The following ZNF804B variants were observed in gnomAD, a reference collection of about 807,000 sequenced individuals.
The protein encoded by ZNF804B is zinc finger 804B.
A neutral mutation model predicts 101.4 loss-of-function variants in ZNF804B; 80 were observed. That is an observed-to-expected ratio of 0.79 (90% CI 0.66 to 0.95). The LOEUF (loss-of-function observed/expected upper bound fraction) is 0.95. Among genes scored for constraint, ZNF804B ranks in the 40% least tolerant of loss-of-function variants. ZNF804B has a pLI of 0.00. For synonymous variants in ZNF804B, 622 were observed against 558.8 expected, an observed-to-expected ratio of 1.11 and a Z score of -1.59; for missense variants, 1,673 against 1,561.9, an observed-to-expected ratio of 1.07 and a Z score of -1.20.
intron 1 of ZNF804B, among the ~76,000 whole-genome samples, chr7:89,061,437 T>C (rs547521360): frequency 2.8e-4 from 42 of 151,980 alleles, no homozygotes; most frequent in African/African-American, 9.4e-4. Context: ...AACGACACAC[T>C]AGAAAGTGTG....
intron 1 of ZNF804B, among the ~76,000 whole-genome samples, chr7:88,946,900 A>C (rs892646747): frequency 1.3e-5 from 2 of 151,992 alleles, no homozygotes; most frequent in Non-Finnish European, 2.9e-5. Context: ...GTGGCCAATA[A>C]ACATACGAAA....
chr7:89,319,298 G>A (rs1443953868), intron 2 of ZNF804B, among the ~76,000 whole-genome samples: 2 of 152,114 alleles, frequency 1.3e-5, no homozygotes, highest in African/African-American at 4.8e-5. Flanking sequence ...AAAAAATTAA[G>A]GGAATTTTGG....
intron 1 of ZNF804B, among the ~76,000 whole-genome samples, chr7:88,943,540 C>T (rs1330611369): frequency 2.0e-5 from 3 of 151,842 alleles, no homozygotes; most frequent in Non-Finnish European, 4.4e-5. Flanking sequence ...CTGGAGTCTT[C>T]ACTTTTGTAG....
chr7:89,283,090 C>A (rs914739383), intron 2 of ZNF804B, among the ~76,000 whole-genome samples: 7 of 152,170 alleles, frequency 4.6e-5, no homozygotes, highest in Non-Finnish European at 1.0e-4. Context: ...ATAATGAATT[C>A]ATACTCTGAA....
At chr7:88,935,873 C>A (rs1792960881) in intron 1 of ZNF804B, among the ~76,000 whole-genome samples, 1 of 151,794 alleles carries the variant, frequency 6.6e-6, no homozygotes, top group Non-Finnish European at 1.5e-5. Context: ...TTCTCTGCTT[C>A]TTTTCTTGTT....
intron 1 of ZNF804B, among the ~76,000 whole-genome samples, chr7:89,090,342 A>G (rs1424455218): frequency 2.0e-5 from 3 of 152,068 alleles, no homozygotes; most frequent in Admixed American, 6.6e-5. Context: ...TTAAAATGCT[A>G]GAAAAAAATG....
At chr7:88,817,600 G>C (rs976954409) in intron 1 of ZNF804B, among the ~76,000 whole-genome samples, 4 of 152,086 alleles carry the variant, frequency 2.6e-5, no homozygotes, top group African/African-American at 4.8e-5. Context: ...CTTCAGGTTT[G>C]CAGAAGGCTT....
intron 1 of ZNF804B, among the ~76,000 whole-genome samples, chr7:89,135,519 T>G (rs1425799819): frequency 1.3e-5 from 2 of 152,142 alleles, no homozygotes; most frequent in African/African-American, 4.8e-5. Context: ...TTGTTTTAGC[T>G]TATGTAGCTA....
intron 1 of ZNF804B, among the ~76,000 whole-genome samples, chr7:88,877,046 TA>T (rs1413231038): frequency 0.025 from 1,161 of 46,064 alleles, 51 homozygotes; most frequent in Non-Finnish European, 0.033. Flanking sequence ...TATATATATA[TA>T]TATTTTTTTT....
At chr7:88,915,353 A>G (rs980207180) in intron 1 of ZNF804B, among the ~76,000 whole-genome samples, 17 of 152,208 alleles carry the variant, frequency 1.1e-4, no homozygotes, top group Middle Eastern at 3.4e-3. Context: ...TCAGTGACAT[A>G]TTAAAACTAT....
At chr7:89,035,960 C>A (rs1788920306) in intron 1 of ZNF804B, among the ~76,000 whole-genome samples, 1 of 140,130 alleles carries the variant, frequency 7.1e-6, no homozygotes, top group African/African-American at 2.6e-5. Context: ...ATATTATATA[C>A]AATACATATT....
At chr7:88,840,746 A>G (rs979401887) in intron 1 of ZNF804B, among the ~76,000 whole-genome samples, 12 of 152,334 alleles carry the variant, frequency 7.9e-5, no homozygotes, top group Non-Finnish European at 1.2e-4. Context: ...GTATTGTAGT[A>G]TTTGTGTTTT....
chr7:89,099,453 T>C (rs1423680862), intron 1 of ZNF804B, among the ~76,000 whole-genome samples: 4 of 152,130 alleles, frequency 2.6e-5, no homozygotes, highest in Admixed American at 1.3e-4. Flanking sequence ...CAGCAGCCAC[T>C]AAGAAATAGA....
At chr7:89,217,207 T>C (rs764125490) in intron 1 of ZNF804B, among the ~76,000 whole-genome samples, 1 of 152,102 alleles carries the variant, frequency 6.6e-6, no homozygotes, top group Non-Finnish European at 1.5e-5. Flanking sequence ...AGAAGCAGGG[T>C]TTGATAAAAT....
chr7:89,140,736 G>A (rs1041835127), intron 1 of ZNF804B, among the ~76,000 whole-genome samples: 11 of 152,020 alleles, frequency 7.2e-5, no homozygotes, highest in African/African-American at 1.7e-4. Context: ...GTGGCTGGTT[G>A]ATCTTCAATG....
intron 1 of ZNF804B, among the ~76,000 whole-genome samples, chr7:88,930,615 G>A (rs1439826504): frequency 6.6e-6 from 1 of 151,878 alleles, no homozygotes. Context: ...CTTATTGGAT[G>A]TGTATGCATG....
chr7:89,032,599 T>G (rs1005994934), intron 1 of ZNF804B, among the ~76,000 whole-genome samples: 5 of 152,070 alleles, frequency 3.3e-5, no homozygotes, highest in Admixed American at 1.3e-4. Context: ...CATGAAAATA[T>G]ACATAGAGCT....
chr7:88,923,822 T>C (rs894686254), intron 1 of ZNF804B, among the ~76,000 whole-genome samples: 2 of 152,020 alleles, frequency 1.3e-5, no homozygotes, highest in Non-Finnish European at 2.9e-5. Flanking sequence ...TTTACAAAAA[T>C]AAGGTCATAG....
At chr7:89,282,639 G>A (rs1790117717) in intron 2 of ZNF804B, among the ~76,000 whole-genome samples, 1 of 152,160 alleles carries the variant, frequency 6.6e-6, no homozygotes, top group Non-Finnish European at 1.5e-5. Flanking sequence ...TGATCAAAAT[G>A]TGTGTCTTGA....
Sources: gnomAD v4.1 joint callset for allele counts (sites outside exome capture counted in the v4.1 genomes callset) on GRCh38, gnomAD v4.1.1 for gene constraint, MANE v1.5 for transcripts, NCBI Gene and HGNC (gene_info 2026-07-23, HGNC 2026-07-21) for gene names.